GLIS3: variants seen among roughly 807,000 people sequenced by gnomAD.
The protein encoded by GLIS3 is GLIS family zinc finger 3, also known as zinc finger protein GLIS3.
Under a neutral mutation model 78.6 loss-of-function variants are expected in GLIS3, and 53 were observed. The ratio of observed to expected loss-of-function variants is 0.67; its 90% CI spans 0.54 to 0.85. GLIS3 has a LOEUF of 0.85. Among genes scored for constraint, GLIS3 ranks in the 40% least tolerant of loss-of-function variants. GLIS3 has a pLI of 0.00. For missense variants in GLIS3, 1,703 were observed against 1,231.1 expected, an observed-to-expected ratio of 1.38 and a Z score of -5.74; for synonymous variants, 684 against 509.9, an observed-to-expected ratio of 1.34 and a Z score of -4.60.
At chr9:3,959,071 T>C (rs993743511) in intron 4 of GLIS3, among the ~76,000 whole-genome samples, 3 of 152,242 alleles carry the variant, frequency 2.0e-5, no homozygotes, top group Admixed American at 1.3e-4. Flanking sequence ...TGAATGTTTG[T>C]ATCCCTGCAA....
intron 1 of GLIS3, among the ~76,000 whole-genome samples, chr9:4,288,518 T>C (rs1297846657): frequency 4.6e-5 from 7 of 152,028 alleles, no homozygotes; most frequent in African/African-American, 9.7e-5. Context: ...CAAGATCATA[T>C]ACGAGCAGGA....
chr9:4,264,904 C>G (rs1294862524), intron 2 of GLIS3, among the ~76,000 whole-genome samples: 2 of 152,048 alleles, frequency 1.3e-5, no homozygotes, highest in Non-Finnish European at 2.9e-5. Flanking sequence ...CAGTGGCTCA[C>G]GCCTGTAATC....
intron 2 of GLIS3, among the ~76,000 whole-genome samples, chr9:4,197,970 A>C (rs1041465110): frequency 6.6e-6 from 1 of 152,196 alleles, no homozygotes; most frequent in Non-Finnish European, 1.5e-5. Flanking sequence ...AAGAAAGAAC[A>C]AAAATATATA....
intron 4 of GLIS3, among the ~76,000 whole-genome samples, chr9:4,039,692 T>C (rs1196365263): frequency 6.6e-6 from 1 of 152,206 alleles, no homozygotes; most frequent in African/African-American, 2.4e-5. Context: ...TTTCCCACTG[T>C]ATTTTCTAAG....
intron 2 of GLIS3, among the ~76,000 whole-genome samples, chr9:4,248,164 G>A (rs1455526458): frequency 6.6e-6 from 1 of 152,124 alleles, no homozygotes; most frequent in Non-Finnish European, 1.5e-5. Flanking sequence ...AGGTATGCAC[G>A]TGACATAATG....
chr9:4,080,290 C>T (rs1402270402), intron 4 of GLIS3, among the ~76,000 whole-genome samples: 1 of 152,132 alleles, frequency 6.6e-6, no homozygotes, highest in Non-Finnish European at 1.5e-5. Flanking sequence ...GCACTAGAGA[C>T]ACAGAGGTAA....
chr9:4,031,024 T>C (rs979690353), intron 4 of GLIS3, among the ~76,000 whole-genome samples: 8 of 152,128 alleles, frequency 5.3e-5, no homozygotes, highest in Non-Finnish European at 8.8e-5. Context: ...GTGGAGAAAT[T>C]TGAACATTCG....
the GLIS3 span, among the ~76,000 whole-genome samples, chr9:4,402,901 C>G: frequency 7.9e-5 from 12 of 152,090 alleles, no homozygotes; most frequent in South Asian, 2.5e-3. Flanking sequence ...AAAATTTATT[C>G]AAAGGGATAA....
At chr9:4,208,128 T>A (rs768287726) in intron 2 of GLIS3, among the ~76,000 whole-genome samples, 2 of 152,164 alleles carry the variant, frequency 1.3e-5, no homozygotes, top group African/African-American at 4.8e-5. Context: ...TTGAGTTCAG[T>A]CCCCTGGGAG....
At chr9:4,231,783 T>TG (rs1288311282) in intron 2 of GLIS3, among the ~76,000 whole-genome samples, 1 of 152,200 alleles carries the variant, frequency 6.6e-6, no homozygotes, top group Non-Finnish European at 1.5e-5. Context: ...AAGATCAAAA[T>TG]TTTTACCAAT....
At chr9:4,405,087 G>C in the GLIS3 span, among the ~76,000 whole-genome samples, 67,984 of 152,054 alleles carry the variant, frequency 0.45, 15,370 homozygotes, top group South Asian at 0.56. Flanking sequence ...TGGCGCAGTG[G>C]CTCATGCCTG....
chr9:3,948,685 T>A (rs1400319176), intron 4 of GLIS3, among the ~76,000 whole-genome samples: 1 of 152,218 alleles, frequency 6.6e-6, no homozygotes, highest in Non-Finnish European at 1.5e-5. Flanking sequence ...AGTTTAAATT[T>A]GATGAGAATA....
the GLIS3 span, among the ~76,000 whole-genome samples, chr9:4,375,268 T>G: frequency 6.6e-6 from 1 of 152,216 alleles, no homozygotes; most frequent in African/African-American, 2.4e-5. Context: ...GACAAATATC[T>G]CCTTCAGTAG....
At chr9:4,301,679 T>C (rs1817079709), upstream of GLIS3, among the ~76,000 whole-genome samples, 2 of 152,200 alleles carry the variant, frequency 1.3e-5, no homozygotes, top group Non-Finnish European at 2.9e-5. Context: ...AAATATCATT[T>C]TAAATACAAT....
chr9:3,864,643 G>A (rs1820452034), intron 8 of GLIS3, among the ~76,000 whole-genome samples: 1 of 152,252 alleles, frequency 6.6e-6, no homozygotes, highest in South Asian at 2.1e-4. Flanking sequence ...TTAATAACAT[G>A]TGCTGTTTAT....
chr9:3,985,966 T>G (rs566878049), intron 4 of GLIS3, among the ~76,000 whole-genome samples: 4 of 152,256 alleles, frequency 2.6e-5, no homozygotes, highest in African/African-American at 7.2e-5. Flanking sequence ...AATTCATTTG[T>G]GGAGAAAAAG....
chr9:4,275,072 A>G (rs1216734411), intron 2 of GLIS3, among the ~76,000 whole-genome samples: 1 of 152,184 alleles, frequency 6.6e-6, no homozygotes, highest in Non-Finnish European at 1.5e-5. Context: ...GAAGTAGCAA[A>G]TCTATTCACA....
chr9:4,354,743 C>G, the GLIS3 span, among the ~76,000 whole-genome samples: 2 of 152,160 alleles, frequency 1.3e-5, no homozygotes, highest in Non-Finnish European at 2.9e-5. Context: ...AGATGACACT[C>G]TCCCTCTAGG....
chr9:4,203,693 T>C (rs552993979), intron 2 of GLIS3, among the ~76,000 whole-genome samples: 3 of 152,248 alleles, frequency 2.0e-5, no homozygotes, highest in East Asian at 1.9e-4. Context: ...AGCAAAGACA[T>C]GGAATGAACC....
Sources: allele counts gnomAD v4.1 joint callset (sites outside exome capture counted in the v4.1 genomes callset), GRCh38; gene constraint gnomAD v4.1.1; transcripts MANE v1.5; gene names NCBI Gene and HGNC (gene_info 2026-07-23, HGNC 2026-07-21).